The following LSG1 variants were observed in gnomAD, a reference collection of about 807,000 sequenced individuals.
The protein encoded by LSG1 is large subunit GTPase 1 homolog.
Under a neutral mutation model 82.6 loss-of-function variants are expected in LSG1, and 55 were observed. That is an observed-to-expected ratio of 0.67 (90% CI 0.54 to 0.83). The LOEUF is 0.83. Ranked by LOEUF, LSG1 falls within the 40% of genes least tolerant of loss-of-function variation. LSG1 has a pLI of 0.00. For synonymous variants in LSG1, 272 were observed against 282.5 expected, an observed-to-expected ratio of 0.96 and a Z score of 0.37; for missense variants, 809 against 807.9, an observed-to-expected ratio of 1.00 and a Z score of -0.02.
At chr3:194,663,474 C>G (rs1398064408) in intron 5 of LSG1, among the ~76,000 whole-genome samples, 26 of 96 alleles carry the variant, frequency 0.27, no homozygotes, top group African/African-American at 0.5. Flanking sequence ...GAAAGCCTTT[C>G]CCTTCTTCCG....
rs761221353 is a variant in LSG1 at position 194,648,753 on chromosome 3, T to C, written c.1471A>G (p.Ile491Val). 1.1e-5 allele frequency: 18 copies of C among 1,614,060 alleles called. No individual in the cohort carries two copies. The Admixed American group carries it at 3.0e-4, about 27-fold the overall frequency. ...HVLEATYGIN[I>V]ITPREDEDPH... is the part of the protein sequence containing the mutation. The stretch of plus-strand genomic sequence containing the variant: ...TCTTCATCCTCTCTAGGCGTTATGA[T>C]GTTAATGCCATAGGTAGCTTCTAAA... The change falls in exon 11 of 14, where the codon ATC becomes GTC. Residue 491 changes from isoleucine (I) to valine (V), a missense_variant. Coordinates refer to ENST00000265245, the MANE Select transcript of LSG1 (RefSeq NM_018385.3).
intron 12 of LSG1, 26 bp downstream of exon 12, chr3:194,646,138 G>A: frequency 1.9e-6 from 3 of 1,608,034 alleles, no homozygotes; most frequent in Non-Finnish European, 2.6e-6. Flanking sequence ...GTGTATTGGA[G>A]AGCATGAGAG....
rs753439837 is a variant in LSG1, at chr3:194,658,974, G to C, written c.742C>G (p.Leu248Val). Residue 248 changes from leucine (L) to valine (V), a missense_variant, in exon 7 of 14, where the codon CTG becomes GTG. Transcript: ENST00000265245. ...CAGGTTACCTCAGAGTCACCATTCA[G>C]GGGAATGGCTCCGGCCAAAGCTGAC... ...FWSALAGAIP[L>V]NGDSEEEANR... The C allele has an allele frequency of 6.2e-7, 1 of 1,613,916 alleles. No individual in the cohort carries two copies. The highest frequency in any genetic ancestry group is 1.1e-5 in the South Asian group (1 of 91,036).
intron 10 of LSG1, among the ~76,000 whole-genome samples, chr3:194,649,743 G>C (rs1718633582): frequency 6.6e-6 from 1 of 151,944 alleles, no homozygotes; most frequent in African/African-American, 2.4e-5. Context: ...CTATGAATAA[G>C]CTGTGGCCTT....
chr3:194,651,487 C>T lies in LSG1; in HGVS notation c.1174-271G>A, dbSNP rs190854916. ...CAGCAGATGCTACAGAAAATTTCAT[C>T]CCCTTGTTCCCAGCCTTCCCTCACT... On this transcript the variant is annotated intron_variant, in intron 8 of 13. Transcript: ENST00000265245. The T allele has an allele frequency of 5.1e-4, 218 of 425,036 alleles. 1 individual carries two copies. Among genetic ancestry groups the T allele is most frequent in the African/African-American group, 4.2e-3 (207 of 49,568 alleles). 26.3% of individuals were successfully genotyped at this position (425,036 alleles called of 1,614,324 possible).
intron 7 of LSG1, among the ~76,000 whole-genome samples, chr3:194,653,693 C>G (rs1718732817): frequency 1.3e-5 from 2 of 152,064 alleles, no homozygotes; most frequent in Non-Finnish European, 2.9e-5. Context: ...TTATATGTTT[C>G]TGTACTATTT....
chr3:194,642,269 T>C (rs545993582), intron 13 of LSG1, 22 bp from the exon 14 acceptor site: 5 of 1,603,884 alleles, frequency 3.1e-6, no homozygotes, highest in Admixed American at 1.7e-5. Flanking sequence ...GAGAAAACAT[T>C]ATCTGAGCTG....
chr3:194,662,740 T>C (rs945234515), intron 5 of LSG1, among the ~76,000 whole-genome samples: 1 of 152,048 alleles, frequency 6.6e-6, no homozygotes, highest in Non-Finnish European at 1.5e-5. Context: ...CCAGCCTGGG[T>C]AACAAGAGCG....
chr3:194,645,511 C>CACACACACACACACACACACACAG lies in LSG1; in HGVS notation c.1623+652_1623+653insCTGTGTGTGTGTGTGTGTGTGTGT, dbSNP rs1560219503. 2.5e-4 allele frequency: 11 copies of CACACACACACACACACACACACAG among 43,230 alleles called. 2 individuals are homozygous for CACACACACACACACACACACACAG. The South Asian group carries it at 4.5e-3, about 18-fold the overall frequency. 2.7% of individuals were successfully genotyped at this position (43,230 alleles called of 1,614,324 possible). A position where few individuals can be genotyped will look rare whatever the true frequency, so the allele number is the denominator to read the frequency against. ...GCTTAGTGCTACACACACACACACACACACACACACACACACACAGACAGA... is the reference window on the plus strand; with the variant it reads ...GCTTAGTGCTACACACACACACACACACACACACACACACACACACACAGACACACACACACACACACAGACAGA... On this transcript the variant is annotated intron_variant, in intron 12 of 13. Transcript: ENST00000265245.
intron 13 of LSG1, among the ~76,000 whole-genome samples, chr3:194,642,459 T>G (rs151299105): frequency 6.6e-6 from 1 of 151,720 alleles, no homozygotes; most frequent in Non-Finnish European, 1.5e-5. Flanking sequence ...CAACTTTGTT[T>G]AGTCCCATAC....
intron 13 of LSG1, 144 bp from the exon 14 acceptor site, chr3:194,642,391 C>T: frequency 3.5e-6 from 2 of 573,324 alleles, no homozygotes; most frequent in Admixed American, 3.5e-5. Context: ...CACTGGTCCT[C>T]TTTCTCCCCC....
Position 194,665,574 on chromosome 3 carries a change from C to T in LSG1, c.504G>A (p.Trp168Ter). The T allele has an allele frequency of 6.2e-7, 1 of 1,612,782 alleles. No individual in the cohort carries two copies. The highest frequency in any genetic ancestry group is 1.3e-5 in the African/African-American group (1 of 74,998). The change falls in exon 5 of 14, where the codon TGG (tryptophan) becomes TGA (stop). Residue 168 changes from tryptophan (W) to a stop codon, truncating the protein, a stop_gained. Coordinates refer to ENST00000265245, the MANE Select transcript of LSG1 (RefSeq NM_018385.3). LOFTEE classifies it high-confidence loss of function. ...ERNLDFWRQL[W>*]RVIERSDIVV... ...TAATTCACCTTCTCTCAATGACTCT[C>T]CAGAGCTGGCGCCAAAAGTCCAAAT...
intron 12 of LSG1, chr3:194,645,141 T>A (rs1395136120): frequency 6.4e-6 from 1 of 155,618 alleles, no homozygotes; most frequent in Admixed American, 6.5e-5. Context: ...GACTCCTGTA[T>A]GTGGGGTTGC....
rs1053864463 is a variant in LSG1 at position 194,641,334 on chromosome 3, G to A, written c.*734C>T. 7 of 152,050 alleles carry A rather than the reference G, an allele frequency of 4.6e-5. No homozygotes were observed. The highest frequency in any genetic ancestry group is 1.9e-4 in the East Asian group (1 of 5,188). The allele number at this position is 152,050 out of a possible 1,614,324, so 9.4% of individuals were successfully genotyped here. On this transcript the variant is annotated 3_prime_UTR_variant, in exon 14 of 14. Coordinates refer to ENST00000265245, the MANE Select transcript of LSG1 (RefSeq NM_018385.3). ...TCAATCTTCCCATTCCTCCCATCCCGAAGCAACCACTAATCTACTTCCTCT... is the reference window on the plus strand; with the variant it reads ...TCAATCTTCCCATTCCTCCCATCCCAAAGCAACCACTAATCTACTTCCTCT...
chr3:194,669,137 T>C (rs964787712), intron 2 of LSG1, among the ~76,000 whole-genome samples: 3 of 152,168 alleles, frequency 2.0e-5, no homozygotes, highest in African/African-American at 7.2e-5. Flanking sequence ...TGTCCATAGT[T>C]AATAATAACA....
chr3:194,670,490 T>G (rs1719121960), intron 1 of LSG1, among the ~76,000 whole-genome samples: 1 of 152,132 alleles, frequency 6.6e-6, no homozygotes, highest in African/African-American at 2.4e-5. Flanking sequence ...TCAAAATTAG[T>G]CAAAACTTTA....
intron 6 of LSG1, 81 bp downstream of exon 6, chr3:194,659,992 C>T (rs917162516): frequency 1.3e-5 from 16 of 1,208,024 alleles, no homozygotes; most frequent in Non-Finnish European, 2.0e-5. Context: ...AGAATGTATG[C>T]CTACAGTCAT....
intron 2 of LSG1, among the ~76,000 whole-genome samples, chr3:194,667,735 T>C (rs957554013): frequency 1.3e-5 from 2 of 151,048 alleles, no homozygotes; most frequent in East Asian, 4.0e-4. Flanking sequence ...CAGCCTGGCC[T>C]ACAAGGTGAA....
chr3:194,644,972 ATC>A (rs1247453535), intron 12 of LSG1: 3 of 382,064 alleles, frequency 7.9e-6, no homozygotes, highest in Non-Finnish European at 9.3e-6. Flanking sequence ...CTAGGATGAA[ATC>A]TCTTTCTTCT....
Sources: gnomAD v4.1 joint callset for allele counts (sites outside exome capture counted in the v4.1 genomes callset) on GRCh38, gnomAD v4.1.1 for gene constraint, MANE v1.5 for transcripts, NCBI Gene and HGNC (gene_info 2026-07-23, HGNC 2026-07-21) for gene names.